Variants in SND1 observed in about 807,000 individuals in gnomAD.
The protein encoded by SND1 is staphylococcal nuclease and tudor domain containing 1, also known as staphylococcal nuclease domain-containing protein 1.
In SND1, 38 loss-of-function variants were observed where a neutral mutation model predicts 121.7. The ratio of observed to expected loss-of-function variants is 0.31; its 90% CI spans 0.24 to 0.41. The LOEUF is 0.41. Among genes scored for constraint, SND1 ranks in the 10% least tolerant of loss-of-function variants. The probability of loss-of-function intolerance (pLI) is 1.00; values close to 1 mark genes in which losing one functional copy is unlikely to be tolerated. For missense variants in SND1, 868 were observed against 1,184.6 expected (o/e 0.73, Z 3.92); for synonymous variants, 401 against 447.4 (o/e 0.90, Z 1.31).
chr7:127,882,063 G>A (rs150603583), intron 12 of SND1, among the ~76,000 whole-genome samples: 1 of 152,016 alleles, frequency 6.6e-6, no homozygotes, highest in Non-Finnish European at 1.5e-5. Flanking sequence ...AACCATCCTG[G>A]GCAATATAGC....
Position 127,807,517 on chromosome 7 carries a change from A to C in SND1, c.1186A>C (p.Ile396Leu). Residue 396 changes from isoleucine (I) to leucine (L), a missense_variant, in exon 11 of 24, where the codon ATT becomes CTT. Ile to Leu is a conservative substitution (Grantham distance 5). This residue lies in a region of SND1 where 743 missense variants were observed against 1,071.3 expected (regional missense o/e 0.69). Transcript: ENST00000354725. ...CAAGAAACTGCGTCCCCTGTATGAC[A>C]TTCCTTACATGTTTGAGGCCCGGGA... ...KNKKLRPLYD[I>L]PYMFEAREFL... 6.2e-7 allele frequency: 1 copy of C among 1,614,132 alleles called. No individual in the cohort carries two copies. The highest frequency in any genetic ancestry group is 2.2e-5 in the East Asian group (1 of 44,872).
In SND1 at chr7:127,802,902, C is replaced by T. The variant is rs140331035; in HGVS notation, c.1153-4582C>T. Among the ~76,000 whole-genome samples, 60 of 152,234 alleles carry T rather than the reference C, an allele frequency of 3.9e-4. 2 individuals carry two copies. In the East Asian group the frequency reaches 0.01, roughly 25 times the overall value. Reference sequence around the variant, plus strand: ...TTTCTTTCATTCCTAACGTTCCATCCGTCTTCTTTCAGAATGTATCCAGTT... The same window carrying T: ...TTTCTTTCATTCCTAACGTTCCATCTGTCTTCTTTCAGAATGTATCCAGTT... On this transcript the variant is annotated intron_variant, in intron 10 of 23. Coordinates refer to ENST00000354725, the MANE Select transcript of SND1 (RefSeq NM_014390.4).
Position 128,085,353 on chromosome 7 carries a change from C to A in SND1, c.2235-358C>A, listed in dbSNP as rs1486983610. The stretch of plus-strand genomic sequence containing the variant: ...GGTGACGAAGTGACTTGGATATGTT[C>A]CCTGCTGCGGCCTCCCAGGCAGATC... On this transcript the variant is annotated intron_variant, in intron 19 of 23. Transcript: ENST00000354725. The surrounding 1 kb of genome is among the most constrained non-coding windows in gnomAD (Gnocchi z 4.4). 6.6e-6 allele frequency among the ~76,000 whole-genome samples: 1 copy of A among 152,196 alleles called. No homozygotes were observed. Among genetic ancestry groups the A allele is most frequent in the Non-Finnish European group, 1.5e-5 (1 of 68,030 alleles).
intron 10 of SND1, among the ~76,000 whole-genome samples, chr7:127,800,651 A>G (rs1433596409): frequency 6.6e-6 from 1 of 152,200 alleles, no homozygotes; most frequent in African/African-American, 2.4e-5. Context: ...TTATAGAATA[A>G]CATAACAAAC....
At chr7:127,804,019 T>A (rs1238776246) in intron 10 of SND1, among the ~76,000 whole-genome samples, 2 of 152,238 alleles carry the variant, frequency 1.3e-5, no homozygotes, top group African/African-American at 2.4e-5. Context: ...TTTTATTTTT[T>A]AAAAAATATT....
chr7:128,081,644 C>A, intron 18 of SND1, 143 bp downstream of exon 18: 1 of 871,134 alleles, frequency 1.1e-6, no homozygotes, highest in Non-Finnish European at 1.8e-6. Flanking sequence ...CGTTGCCGCC[C>A]CTGTCTCCCT....
intron 15 of SND1, among the ~76,000 whole-genome samples, chr7:127,968,841 C>A (rs1225078666): frequency 6.6e-6 from 1 of 152,200 alleles, no homozygotes; most frequent in Non-Finnish European, 1.5e-5. Context: ...AGGGCCCTGG[C>A]AGGGCACATA....
intron 11 of SND1, among the ~76,000 whole-genome samples, chr7:127,826,530 T>C (rs949723722): frequency 1.3e-5 from 2 of 152,176 alleles, no homozygotes; most frequent in Admixed American, 6.5e-5. Flanking sequence ...TTACATAGGA[T>C]TTGGTCATTT....
chr7:127,729,992 TCG>T (rs2116408149), intron 10 of SND1, among the ~76,000 whole-genome samples: 1 of 152,366 alleles, frequency 6.6e-6, no homozygotes, highest in South Asian at 2.1e-4. Flanking sequence ...AGACGAAGTC[TCG>T]CTCTTGTTGC....
At chr7:127,770,783 G>A (rs1342936134) in intron 10 of SND1, among the ~76,000 whole-genome samples, 1 of 151,924 alleles carries the variant, frequency 6.6e-6, no homozygotes, top group Non-Finnish European at 1.5e-5. Context: ...AATGCTTATT[G>A]CTATTTCATG....
chr7:127,656,358 T>C (rs1403197124), intron 1 of SND1, among the ~76,000 whole-genome samples: 4 of 151,458 alleles, frequency 2.6e-5, no homozygotes, highest in Admixed American at 2.0e-4. Flanking sequence ...AGTCTCGCTT[T>C]GTCGCCCAGG....
At chr7:127,734,409 A>T (rs778218233) in intron 10 of SND1, among the ~76,000 whole-genome samples, 23 of 152,152 alleles carry the variant, frequency 1.5e-4, no homozygotes, top group Non-Finnish European at 2.6e-4. Context: ...ATTTTACGTC[A>T]TGATAAAAAG....
intron 15 of SND1, among the ~76,000 whole-genome samples, chr7:127,962,712 T>C (rs1159549011): frequency 1.3e-5 from 2 of 152,210 alleles, no homozygotes; most frequent in Non-Finnish European, 2.9e-5. Flanking sequence ...GGAGCAAGCA[T>C]TGAAAACTAT....
intron 1 of SND1, among the ~76,000 whole-genome samples, chr7:127,666,721 G>A (rs559051380): frequency 4.6e-5 from 7 of 152,228 alleles, no homozygotes; most frequent in South Asian, 4.2e-4. Context: ...TTGCAGTGCC[G>A]GGATCATAAA....
chr7:127,705,098 A>G (rs570818145), intron 8 of SND1, among the ~76,000 whole-genome samples, 153 bp downstream of exon 8: 18 of 152,140 alleles, frequency 1.2e-4, no homozygotes, highest in Non-Finnish European at 2.5e-4. Flanking sequence ...TGACTTAAAT[A>G]TTGGTCTTCA....
At chr7:127,653,480 G>T (rs1795157804) in intron 1 of SND1, among the ~76,000 whole-genome samples, 1 of 152,024 alleles carries the variant, frequency 6.6e-6, no homozygotes, top group Admixed American at 6.6e-5. Context: ...TTCTCCCAAG[G>T]CTCCACAAGT....
chr7:127,993,282 T>G (rs1802561723), intron 16 of SND1, among the ~76,000 whole-genome samples: 1 of 152,232 alleles, frequency 6.6e-6, no homozygotes, highest in South Asian at 2.1e-4. Context: ...ATTCATTTAC[T>G]TTTACCTATG....
rs763124838 is a variant in SND1, at chr7:127,986,592, C to CTTTTG, written c.1670-4331_1670-4327dup. 1.9e-3 allele frequency among the ~76,000 whole-genome samples: 289 copies of CTTTTG among 152,252 alleles called. 5 individuals are homozygous for CTTTTG. In the South Asian group the frequency reaches 0.038, roughly 20 times the overall value. ...ACCTCTTTTTACTTGATTTTATTTC[C>CTTTTG]TTTTGTTTTGTTTTGTTTTGTTTTG... is the stretch of plus-strand genomic sequence containing the variant. On this transcript the variant is annotated intron_variant, in intron 15 of 23. Transcript: ENST00000354725.
Position 127,662,167 on chromosome 7 carries a change from C to T in SND1, c.78+9716C>T, listed in dbSNP as rs187817005. Among the ~76,000 whole-genome samples the T allele has an allele frequency of 2.6e-3, 396 of 152,064 alleles. 13 individuals are homozygous for T. The highest frequency in any genetic ancestry group is 0.025 in the Admixed American group (375 of 15,272). Reference sequence around the variant, plus strand: ...CCCTCCTTGCCCCTCAGTTTTCTACCATTCATTCTCATCCTCCCAGCAAAC... The same window carrying T: ...CCCTCCTTGCCCCTCAGTTTTCTACTATTCATTCTCATCCTCCCAGCAAAC... On this transcript the variant is annotated intron_variant, in intron 1 of 23. Coordinates refer to ENST00000354725, the MANE Select transcript of SND1 (RefSeq NM_014390.4).
Sources: allele counts gnomAD v4.1 joint callset (sites outside exome capture counted in the v4.1 genomes callset), GRCh38; gene constraint gnomAD v4.1.1; regional missense constraint gnomAD v4.1.1; non-coding constraint Gnocchi (gnomAD v3.1); transcripts MANE v1.5; gene names NCBI Gene and HGNC (gene_info 2026-07-23, HGNC 2026-07-21).